The following SLC22A23 variants were observed in gnomAD, a reference collection of about 807,000 sequenced individuals.
SLC22A23 encodes the protein ion transporter protein.
SLC22A23 carries 26 observed loss-of-function variants against 61.0 expected under a neutral mutation model. The observed-to-expected ratio is 0.43, with a 90% confidence interval of 0.31 to 0.59. SLC22A23 has a LOEUF of 0.59. Among genes scored for constraint, SLC22A23 ranks in the 20% least tolerant of loss-of-function variants. The probability of loss-of-function intolerance (pLI) is 0.11; values close to 1 mark genes in which losing one functional copy is unlikely to be tolerated. For missense variants in SLC22A23, 796 were observed against 934.7 expected (o/e 0.85, Z 1.94); for synonymous variants, 430 against 413.9 (o/e 1.04, Z -0.47).
At position 3,311,772 on chromosome 6, in the gene SLC22A23, T is replaced by C. The variant is rs1362132358; in HGVS notation, c.1082+12062A>G. The C allele has an allele frequency of 3.9e-5, 6 of 152,374 alleles. No homozygotes were observed. The East Asian group carries it at 7.7e-4, about 20-fold the overall frequency. 9.4% of individuals were successfully genotyped at this position (152,374 alleles called of 1,614,324 possible). A position where few individuals can be genotyped will look rare whatever the true frequency, so the allele number is the denominator to read the frequency against. Reference sequence around the variant, plus strand: ...ACAAAAGCTCAGAACCTTGTGTCTCTTTTGTCTTTCAAAGTGATATACACT... The same window carrying C: ...ACAAAAGCTCAGAACCTTGTGTCTCCTTTGTCTTTCAAAGTGATATACACT... On this transcript the variant is annotated intron_variant, in intron 4 of 9. Coordinates refer to ENST00000406686, the MANE Select transcript of SLC22A23 (RefSeq NM_015482.2).
chr6:3,323,126 C>T (rs190020432), intron 4 of SLC22A23: 14 of 396,902 alleles, frequency 3.5e-5, no homozygotes, highest in East Asian at 7.2e-5. Flanking sequence ...CCCGTACTGC[C>T]GGCAAAGCTA....
At chr6:3,451,551 T>TTTTG (rs1421617901) in intron 1 of SLC22A23, among the ~76,000 whole-genome samples, 1 of 152,104 alleles carries the variant, frequency 6.6e-6, no homozygotes, top group Admixed American at 6.6e-5. Context: ...TGTTTTTTTG[T>TTTTG]TTTGTTTTGT....
chr6:3,414,617 C>A lies in SLC22A23; in HGVS notation c.758+1135G>T, dbSNP rs191249251. On this transcript the variant is annotated intron_variant, in intron 2 of 9. Transcript: ENST00000406686. The surrounding 1 kb of genome is among the most constrained non-coding windows in gnomAD (Gnocchi z 5.1). ...TGTCCGCCCAGGCACTTGCCTTGGCCAGCATTCTCAGTTAACTGAGGTGCA... is the reference window on the plus strand; with the variant it reads ...TGTCCGCCCAGGCACTTGCCTTGGCAAGCATTCTCAGTTAACTGAGGTGCA... 9.1e-4 allele frequency among the ~76,000 whole-genome samples: 135 copies of A among 148,784 alleles called. No homozygotes were observed. Among genetic ancestry groups the A allele is most frequent in the Non-Finnish European group, 1.3e-3 (89 of 67,742 alleles).
chr6:3,389,830 C>G (rs1332269965), intron 3 of SLC22A23, among the ~76,000 whole-genome samples: 1 of 152,210 alleles, frequency 6.6e-6, no homozygotes, highest in Admixed American at 6.5e-5. Flanking sequence ...AGGCTGCTGC[C>G]AGCTGCTTGG....
chr6:3,420,549 A>C lies in SLC22A23; in HGVS notation c.655-4694T>G, dbSNP rs138399565. Reference sequence around the variant, plus strand: ...GAAGATAAAATCTCCAAAGAGAAAAACTAAGGGGGAAAAACTACCTAAGGA... The same window carrying C: ...GAAGATAAAATCTCCAAAGAGAAAACCTAAGGGGGAAAAACTACCTAAGGA... On this transcript the variant is annotated intron_variant, in intron 1 of 9. Coordinates refer to ENST00000406686, the MANE Select transcript of SLC22A23 (RefSeq NM_015482.2). 8.5e-4 allele frequency among the ~76,000 whole-genome samples: 129 copies of C among 152,318 alleles called. No homozygotes were observed. In the East Asian group the frequency reaches 0.021, roughly 25 times the overall value.
chr6:3,422,597 A>G (rs568704551), intron 1 of SLC22A23, among the ~76,000 whole-genome samples: 8 of 152,196 alleles, frequency 5.3e-5, no homozygotes, highest in African/African-American at 1.9e-4. Context: ...TCATCCTCCA[A>G]TTTTAGGAGG....
At chr6:3,382,692 T>C (rs1767030425) in intron 3 of SLC22A23, among the ~76,000 whole-genome samples, 1 of 152,246 alleles carries the variant, frequency 6.6e-6, no homozygotes, top group Non-Finnish European at 1.5e-5. Flanking sequence ...ATATCATCTA[T>C]GGCTGCTTTA....
intron 3 of SLC22A23, among the ~76,000 whole-genome samples, chr6:3,404,103 GCA>G (rs1172465384): frequency 6.6e-6 from 1 of 152,176 alleles, no homozygotes; most frequent in Non-Finnish European, 1.5e-5. Context: ...AGGTTTTGAC[GCA>G]CAGTTTAAGA....
At chr6:3,385,671 G>C (rs770835059) in intron 3 of SLC22A23, among the ~76,000 whole-genome samples, 31 of 152,196 alleles carry the variant, frequency 2.0e-4, no homozygotes, top group Non-Finnish European at 4.1e-4. Flanking sequence ...GGAGCTAATT[G>C]TCTGAGTTCC....
At chr6:3,362,371 C>T (rs991738425) in intron 3 of SLC22A23, among the ~76,000 whole-genome samples, 1 of 140,354 alleles carries the variant, frequency 7.1e-6, no homozygotes, top group African/African-American at 2.6e-5. Context: ...CCACTGCACT[C>T]CAGGCTGGGC....
intron 3 of SLC22A23, among the ~76,000 whole-genome samples, chr6:3,339,751 GC>G (rs1764051560): frequency 1.3e-5 from 2 of 152,272 alleles, no homozygotes; most frequent in Admixed American, 1.3e-4. Context: ...TAAAGGGGAG[GC>G]ATGAATAATC....
At chr6:3,434,592 G>C (rs1158924896) in intron 1 of SLC22A23, among the ~76,000 whole-genome samples, 3 of 150,864 alleles carry the variant, frequency 2.0e-5, no homozygotes, top group South Asian at 2.1e-4. Context: ...CTGGGCAACA[G>C]AGCAAGACTC....
chr6:3,285,834 T>C (rs953778427), intron 7 of SLC22A23, among the ~76,000 whole-genome samples: 4 of 152,166 alleles, frequency 2.6e-5, no homozygotes, highest in African/African-American at 7.2e-5. Context: ...CCCTGGCGTC[T>C]AGTTCTGAGA....
intron 9 of SLC22A23, among the ~76,000 whole-genome samples, chr6:3,275,199 C>G (rs1758781650): frequency 6.6e-6 from 1 of 152,106 alleles, no homozygotes; most frequent in Admixed American, 6.5e-5. Context: ...TAGATGGAGG[C>G]AAATCCAGTG....
chr6:3,348,337 C>A (rs886174769), intron 3 of SLC22A23, among the ~76,000 whole-genome samples: 7 of 152,196 alleles, frequency 4.6e-5, no homozygotes, highest in Admixed American at 2.0e-4. Flanking sequence ...CGCCATCTTT[C>A]CTGGAGCAGG....
chr6:3,353,672 G>A (rs562856434), intron 3 of SLC22A23, among the ~76,000 whole-genome samples: 15 of 152,202 alleles, frequency 9.9e-5, no homozygotes, highest in Admixed American at 9.8e-4. Context: ...TGCTCGCCTC[G>A]TCCCATTACC....
chr6:3,368,841 C>T (rs1766014802), intron 3 of SLC22A23, among the ~76,000 whole-genome samples: 3 of 152,122 alleles, frequency 2.0e-5, no homozygotes, highest in Admixed American at 2.0e-4. Context: ...TGTGAGTTGC[C>T]AGGAAGGTGG....
At chr6:3,420,038 G>GAT (rs1244658846) in intron 1 of SLC22A23, among the ~76,000 whole-genome samples, 1 of 152,228 alleles carries the variant, frequency 6.6e-6, no homozygotes, top group East Asian at 1.9e-4. Context: ...GGTTTAACAA[G>GAT]ATCATAAAAG....
chr6:3,361,225 G>T (rs1165675483), intron 3 of SLC22A23, among the ~76,000 whole-genome samples: 1 of 151,496 alleles, frequency 6.6e-6, no homozygotes, highest in Non-Finnish European at 1.5e-5. Context: ...AGGGAAACGT[G>T]CTTCAATAAG....
Sources: allele counts gnomAD v4.1 joint callset (sites outside exome capture counted in the v4.1 genomes callset), GRCh38; gene constraint gnomAD v4.1.1; non-coding constraint Gnocchi (gnomAD v3.1); transcripts MANE v1.5; gene names NCBI Gene and HGNC (gene_info 2026-07-23, HGNC 2026-07-21).